The following RBM12B variants were observed in gnomAD, a reference collection of about 807,000 sequenced individuals.
RBM12B encodes the protein RNA-binding protein 12B.
RBM12B carries 10 observed loss-of-function variants against 34.3 expected under a neutral mutation model. That is an observed-to-expected ratio of 0.29 (90% CI 0.18 to 0.49). RBM12B has a LOEUF of 0.49. Ranked by LOEUF, RBM12B falls within the 20% of genes least tolerant of loss-of-function variation. The pLI is 0.99. For synonymous variants in RBM12B, 477 were observed against 437.1 expected (o/e 1.09, Z -1.14); for missense variants, 1,139 against 1,262.7 (o/e 0.90, Z 1.48).
rs767731937 is a variant in RBM12B, at chr8:93,734,183, G to A, written c.2228C>T (p.Pro743Leu). 1.3e-6 allele frequency: 2 copies of A among 1,580,000 alleles called. No homozygotes were observed. The highest frequency in any genetic ancestry group is 8.6e-7 in the Non-Finnish European group (1 of 1,163,168). Reference sequence around the variant, plus strand: ...GGGAGGCCGCCTAAAATGCTCTGGAGGTGGTCTCCGGAAATGCTCTGGGGG... The same window carrying A: ...GGGAGGCCGCCTAAAATGCTCTGGAAGTGGTCTCCGGAAATGCTCTGGGGG... The part of the protein sequence containing the change: ...RPPPEHFRRP[P>L]PEHFRRPPPE... The change falls in exon 4 of 4, where the codon CCT becomes CTT. Residue 743 changes from proline to leucine, a missense_variant. Physicochemically the swap from Pro to Leu is moderately conservative, Grantham distance 98. Coordinates refer to ENST00000520560, the MANE Select transcript of RBM12B (RefSeq NM_001377960.1).
chr8:93,736,358 T>C lies in RBM12B; in HGVS notation c.53A>G (p.Asp18Gly). The C allele has an allele frequency of 6.2e-7, 1 of 1,611,808 alleles. No individual in the cohort carries two copies. Among genetic ancestry groups the C allele is most frequent in the Non-Finnish European group, 8.5e-7 (1 of 1,179,426 alleles). ...LGLPFIAGPVDIRHFFTGLTI... is the reference protein window; with the variant it reads ...LGLPFIAGPVGIRHFFTGLTI... The stretch of plus-strand genomic sequence containing the variant: ...CAATCCCGTGAAGAAGTGACGAATA[T>C]CCACAGGCCCCGCAATAAAAGGAAG... The change falls in exon 4 of 4, where the codon GAT (aspartate) becomes GGT (glycine). Residue 18 changes from aspartate (D) to glycine (G), a missense_variant. This residue lies in a region of RBM12B where 216 missense variants were observed against 292.2 expected (regional missense o/e 0.74). Coordinates refer to ENST00000520560, the MANE Select transcript of RBM12B (RefSeq NM_001377960.1).
In RBM12B at chr8:93,729,877, A is replaced by C. The variant is rs1811721148; in HGVS notation, c.*3528T>G. 6.6e-6 allele frequency: 1 copy of C among 152,210 alleles called. No individual in the cohort carries two copies. The highest frequency in any genetic ancestry group is 2.4e-5 in the African/African-American group (1 of 41,462). The allele number at this position is 152,210 out of a possible 1,614,324, so 9.4% of individuals were successfully genotyped here. A position where few individuals can be genotyped will look rare whatever the true frequency, so the allele number is the denominator to read the frequency against. On this transcript the variant is annotated 3_prime_UTR_variant, in exon 4 of 4. Transcript: ENST00000520560. The stretch of plus-strand genomic sequence containing the variant: ...CCCAGCCTGTAAGTCTCCATCTCTT[A>C]TCTCCAAAATAGGAATACAAATTGA...
In RBM12B at chr8:93,731,397, T is replaced by G. The variant is rs1225550632; in HGVS notation, c.*2008A>C. ...ATCTTTGCTCAATTAAAAATATCAT[T>G]TCTACTTTCTTCATTGTGCTTGGTT... On this transcript the variant is annotated 3_prime_UTR_variant, in exon 4 of 4. Coordinates refer to ENST00000520560, the MANE Select transcript of RBM12B (RefSeq NM_001377960.1). 6.6e-6 allele frequency: 1 copy of G among 152,218 alleles called. No homozygotes were observed. Among genetic ancestry groups the G allele is most frequent in the East Asian group, 1.9e-4 (1 of 5,198 alleles). 9.4% of individuals were successfully genotyped at this position (152,218 alleles called of 1,614,324 possible).
In RBM12B at chr8:93,735,853, T is replaced by C; in HGVS notation, c.558A>G (p.Leu186=). 6.2e-7 allele frequency: 1 copy of C among 1,614,076 alleles called. No individual in the cohort carries two copies. The highest frequency in any genetic ancestry group is 8.5e-7 in the Non-Finnish European group (1 of 1,180,030). The change falls in exon 4 of 4, where the codon TTA becomes TTG. Residue 186 remains leucine (L), a synonymous_variant. Transcript: ENST00000520560. ...CATTATTTCGGCCATCATGATGTTT[T>C]AAGAAAATTACTCCATCCACGCACA... The part of the protein sequence containing the change: ...SGLCVDGVIF[L]KHHDGRNNGD...
Position 93,734,563 on chromosome 8 carries a change from C to G in RBM12B, c.1848G>C (p.Glu616Asp). The G allele has an allele frequency of 6.2e-7, 1 of 1,613,632 alleles. No homozygotes were observed. The highest frequency in any genetic ancestry group is 1.7e-5 in the Admixed American group (1 of 59,976). Residue 616 changes from glutamate to aspartate, a missense_variant, in exon 4 of 4, where the codon GAG becomes GAC. Glu to Asp is a conservative substitution (Grantham distance 45). Transcript: ENST00000520560. ...PPEDDFRHPR[E>D]EDWRRPLEED... ...CCTCAAGGGGCCTCCTCCAGTCCTC[C>G]TCCCTAGGGTGCCTGAAGTCATCCT...
intron 2 of RBM12B, among the ~76,000 whole-genome samples, chr8:93,738,282 A>T (rs999377125): frequency 7.9e-5 from 12 of 152,220 alleles, no homozygotes; most frequent in African/African-American, 2.9e-4. Context: ...CACTCTACTA[A>T]GGAAACCCAA....
Position 93,740,937 on chromosome 8 carries a change from C to G in RBM12B, c.-202G>C, listed in dbSNP as rs1182107747. 8.9e-6 allele frequency: 2 copies of G among 225,928 alleles called. No individual in the cohort carries two copies. The highest frequency in any genetic ancestry group is 2.3e-5 in the African/African-American group (1 of 43,156). The allele number at this position is 225,928 out of a possible 1,614,324, so 14.0% of individuals were successfully genotyped here. ...AGGCTGAGGGAACTCTTCGTCGCAG[C>G]AGCCTCCCCAAAACAGGTAGACCCT... On this transcript the variant is annotated 5_prime_UTR_variant, in exon 1 of 4. Coordinates refer to ENST00000520560, the MANE Select transcript of RBM12B (RefSeq NM_001377960.1).
rs1177491866 is a variant in RBM12B, at chr8:93,736,395, G to A, written c.16C>T (p.Arg6Cys). The change falls in exon 4 of 4, where the codon CGT (arginine) becomes TGT (cysteine). Residue 6 changes from arginine (R) to cysteine (C), a missense_variant. Coordinates refer to ENST00000520560, the MANE Select transcript of RBM12B (RefSeq NM_001377960.1). ...GCAATAAAAGGAAGCCCCAGTAAAC[G>A]GATGACTACAGCCATGCTGAGCTCA... MAVVI[R>C]LLGLPFIAGP... The A allele has an allele frequency of 1.3e-6, 2 of 1,591,518 alleles. No individual in the cohort carries two copies. Among genetic ancestry groups the A allele is most frequent in the Non-Finnish European group, 1.7e-6 (2 of 1,172,196 alleles).
rs373418458 is a variant in RBM12B, at chr8:93,735,687, T to G, written c.724A>C (p.Lys242Gln). 6.2e-7 allele frequency: 1 copy of G among 1,614,182 alleles called. No homozygotes were observed. Among genetic ancestry groups the G allele is most frequent in the South Asian group, 1.1e-5 (1 of 91,076 alleles). ...QWIEFGGNAV[K>Q]EGDVLRRSEE... ...GATCTCCTAAGAACGTCACCCTCCT[T>G]AACTGCATTACCACCAAACTCAATC... The change falls in exon 4 of 4, where the codon AAG (lysine) becomes CAG (glutamine). Residue 242 changes from lysine to glutamine, a missense_variant. Physicochemically the swap from Lys to Gln is moderately conservative, Grantham distance 53. Around this residue, in one of 3 missense-constraint regions of RBM12B, gnomAD observed 863 missense variants for 869.5 expected, o/e 0.99. Transcript: ENST00000520560.
chr8:93,733,916 T>G lies in RBM12B; in HGVS notation c.2495A>C (p.Glu832Ala). 1.9e-6 allele frequency: 3 copies of G among 1,613,382 alleles called. No homozygotes were observed. The highest frequency in any genetic ancestry group is 3.3e-4 in the Middle Eastern group (2 of 6,052). Residue 832 changes from glutamate to alanine, a missense_variant, in exon 4 of 4, where the codon GAG becomes GCG. Coordinates refer to ENST00000520560, the MANE Select transcript of RBM12B (RefSeq NM_001377960.1). ...PPDEDFRSPQ[E>A]EDFRCPSDED... ...ATCAGAAGGGCATCTAAAATCTTCC[T>G]CCTGGGGGCTCCTGAAGTCCTCATC...
rs1811783681 is a variant in RBM12B, at chr8:93,731,330, ATATAT to A, written c.*2070_*2074del. 1 of 152,156 alleles carries A rather than the reference ATATAT, an allele frequency of 6.6e-6. No individual in the cohort carries two copies. The highest frequency in any genetic ancestry group is 2.4e-5 in the African/African-American group (1 of 41,432). The allele number at this position is 152,156 out of a possible 1,614,324, so 9.4% of individuals were successfully genotyped here. On this transcript the variant is annotated 3_prime_UTR_variant, in exon 4 of 4. Transcript: ENST00000520560. ...TCTGAGAAGCATTTTTTAACTTTCCATATATTATTCAAAATGGGTGACCAAATGAA... is the reference window on the plus strand; with the variant it reads ...TCTGAGAAGCATTTTTTAACTTTCCATATTCAAAATGGGTGACCAAATGAA...
At position 93,734,811 on chromosome 8, in the gene RBM12B, A is replaced by T; in HGVS notation, c.1600T>A (p.Leu534Met). ...TGCTTGAAGTTATCCAGTTGCCTCA[A>T]GTCCTCTAGCTGATGTCTAAAGTTT... The part of the protein sequence containing the change: ...FENFRHQLED[L>M]RQLDNFKHPQ... The change falls in exon 4 of 4, where the codon TTG becomes ATG. Residue 534 changes from leucine (L) to methionine (M), a missense_variant. Around this residue, in one of 3 missense-constraint regions of RBM12B, gnomAD observed 863 missense variants for 869.5 expected, o/e 0.99. Coordinates refer to ENST00000520560, the MANE Select transcript of RBM12B (RefSeq NM_001377960.1). 6.2e-7 allele frequency: 1 copy of T among 1,614,170 alleles called. No homozygotes were observed. Among genetic ancestry groups the T allele is most frequent in the Non-Finnish European group, 8.5e-7 (1 of 1,180,026 alleles).
At position 93,733,503 on chromosome 8, in the gene RBM12B, T is replaced by C. The variant is rs368394507; in HGVS notation, c.2908A>G (p.Ile970Val). 6.2e-7 allele frequency: 1 copy of C among 1,609,674 alleles called. No homozygotes were observed. The highest frequency in any genetic ancestry group is 8.5e-7 in the Non-Finnish European group (1 of 1,176,956). The change falls in exon 4 of 4, where the codon ATT (isoleucine) becomes GTT (valine). Residue 970 changes from isoleucine to valine, a missense_variant. By Grantham distance (29) the Ile-to-Val change is conservative. Transcript: ENST00000520560. ...TCATTATAGTTTATCATAGCAACAATGGCTTCCCCTGTAGGTAAGCCTTGC... is the reference window on the plus strand; with the variant it reads ...TCATTATAGTTTATCATAGCAACAACGGCTTCCCCTGTAGGTAAGCCTTGC... Reference protein sequence around the residue: ...NEQGLPTGEAIVAMINYNEAM... With the variant: ...NEQGLPTGEAVVAMINYNEAM...
intron 3 of RBM12B, 61 bp from the exon 4 acceptor site, chr8:93,736,499 T>A (rs1237331452): frequency 1.6e-6 from 2 of 1,289,030 alleles, no homozygotes; most frequent in African/African-American, 3.0e-5. Context: ...TAGCCCAAAC[T>A]AAGCTTAATA....
At position 93,729,082 on chromosome 8, in the gene RBM12B, A is replaced by G. The variant is rs1811683107; in HGVS notation, c.*4323T>C. The G allele has an allele frequency of 6.6e-6, 1 of 152,140 alleles. No individual in the cohort carries two copies. Among genetic ancestry groups the G allele is most frequent in the South Asian group, 2.1e-4 (1 of 4,836 alleles). 9.4% of individuals were successfully genotyped at this position (152,140 alleles called of 1,614,324 possible). ...AGTCACTTTTATTTCTGAAAATATA[A>G]AACATTGAGCCTTTCAGTGTATCTG... On this transcript the variant is annotated 3_prime_UTR_variant, in exon 4 of 4. Coordinates refer to ENST00000520560, the MANE Select transcript of RBM12B (RefSeq NM_001377960.1).
rs1812092595 is a variant in RBM12B, at chr8:93,738,511, G to C, written c.-77-1156C>G. Among the ~76,000 whole-genome samples, 4 of 152,174 alleles carry C rather than the reference G, an allele frequency of 2.6e-5. 1 individual carries two copies. In the South Asian group the frequency reaches 8.3e-4, roughly 31 times the overall value. ...CTCTCTTGCTCTGCTACCCAGGCTG[G>C]AGTGCACTGGTGCGATCTTGGCTCA... On this transcript the variant is annotated intron_variant, in intron 2 of 3. Coordinates refer to ENST00000520560, the MANE Select transcript of RBM12B (RefSeq NM_001377960.1).
Position 93,734,566 on chromosome 8 carries a change from C to T in RBM12B, c.1845G>A (p.Arg615=). Residue 615 remains arginine (R), a synonymous_variant, in exon 4 of 4, where the codon AGG becomes AGA. Coordinates refer to ENST00000520560, the MANE Select transcript of RBM12B (RefSeq NM_001377960.1). ...CAAGGGGCCTCCTCCAGTCCTCCTC[C>T]CTAGGGTGCCTGAAGTCATCCTCCG... ...RPPEDDFRHP[R]EEDWRRPLEE... 1 of 1,612,260 alleles carries T rather than the reference C, an allele frequency of 6.2e-7. No individual in the cohort carries two copies. Among genetic ancestry groups the T allele is most frequent in the Non-Finnish European group, 8.5e-7 (1 of 1,179,392 alleles).
Position 93,730,151 on chromosome 8 carries a change from G to GAATTAAAT in RBM12B, c.*3246_*3253dup. On this transcript the variant is annotated 3_prime_UTR_variant, in exon 4 of 4. Transcript: ENST00000520560. Reference sequence around the variant, plus strand: ...TGTAGTACATTTACTAGGATTATCAGAATTAAATGATAGTTAATTCATACA... The same window carrying GAATTAAAT: ...TGTAGTACATTTACTAGGATTATCAGAATTAAATAATTAAATGATAGTTAATTCATACA... 6.6e-6 allele frequency: 1 copy of GAATTAAAT among 152,222 alleles called. No homozygotes were observed. Among genetic ancestry groups the GAATTAAAT allele is most frequent in the African/African-American group, 2.4e-5 (1 of 41,532 alleles). 9.4% of individuals were successfully genotyped at this position (152,222 alleles called of 1,614,324 possible).
At position 93,733,779 on chromosome 8, in the gene RBM12B, C is replaced by A; in HGVS notation, c.2632G>T (p.Asp878Tyr). ...ACAAAAGGGCGGTGACTTCTAAAATCATCAGGCGGGCTCCTAAAATCCTCA... is the reference window on the plus strand; with the variant it reads ...ACAAAAGGGCGGTGACTTCTAAAATAATCAGGCGGGCTCCTAAAATCCTCA... ...PGEDFRSPPD[D>Y]FRSHRPFVNF... is the part of the protein sequence containing the mutation. Residue 878 changes from aspartate to tyrosine, a missense_variant, in exon 4 of 4, where the codon GAT (aspartate) becomes TAT (tyrosine). Asp to Tyr is a radical substitution (Grantham distance 160). Around this residue, in one of 3 missense-constraint regions of RBM12B, gnomAD observed 863 missense variants for 869.5 expected, o/e 0.99. Coordinates refer to ENST00000520560, the MANE Select transcript of RBM12B (RefSeq NM_001377960.1). 1 of 1,614,182 alleles carries A rather than the reference C, an allele frequency of 6.2e-7. No homozygotes were observed.
Sources: gnomAD v4.1 joint callset for allele counts (sites outside exome capture counted in the v4.1 genomes callset) on GRCh38, gnomAD v4.1.1 for gene constraint, gnomAD v4.1.1 regional missense constraint, MANE v1.5 for transcripts, NCBI Gene and HGNC (gene_info 2026-07-23, HGNC 2026-07-21) for gene names.